PFKFB1: variants seen among roughly 807,000 people sequenced by gnomAD.
PFKFB1 encodes 6-phosphofructo-2-kinase/fructose-2,6-bisphosphatase 1.
PFKFB1 carries 34 observed loss-of-function variants against 46.4 expected under a neutral mutation model. The observed-to-expected ratio is 0.73, with a 90% CI of 0.56 to 0.98. The LOEUF is 0.98. Ranked by LOEUF, PFKFB1 falls within the 50% of genes least tolerant of loss-of-function variation. PFKFB1 has a pLI of 0.00. For missense variants in PFKFB1, 393 were observed against 376.3 expected, an observed-to-expected ratio of 1.04 and a Z score of -0.37; for synonymous variants, 119 against 133.8, an observed-to-expected ratio of 0.89 and a Z score of 0.76.
intron 5 of PFKFB1, 100 bp downstream of exon 5, chrX:54,958,751 A>G (rs1464529355): frequency 5.7e-6 from 3 of 524,599 alleles, no homozygotes; most frequent in Non-Finnish European, 9.8e-6. Context: ...TGTTGAGCTT[A>G]TGGTTGCGGA....
rs1268141764 is a variant in PFKFB1 at position 54,951,889 on chromosome X, G to A, written c.846+16C>T. The A allele has an allele frequency of 5.1e-6, 6 of 1,176,599 alleles. No individual in the cohort carries two copies. The highest frequency in any genetic ancestry group is 6.9e-6 in the Non-Finnish European group (6 of 874,797). ...CAGCCCAGCCAACCCATCTGGGTGT[G>A]TGTGGCCCACCCTACCTGCTTGCCG... is the stretch of plus-strand genomic sequence containing the variant. On this transcript the variant is annotated intron_variant, in intron 8 of 13. Transcript: ENST00000375006.
chrX:54,943,203 G>A (rs1488218462), intron 10 of PFKFB1, among the ~76,000 whole-genome samples: 1 of 111,543 alleles, frequency 9.0e-6, no homozygotes, highest in Non-Finnish European at 1.9e-5. Flanking sequence ...ATATTAGAGG[G>A]AAACTTTAAA....
At chrX:54,959,669 T>C (rs1329729121) in intron 4 of PFKFB1, among the ~76,000 whole-genome samples, 158 bp downstream of exon 4, 1 of 111,854 alleles carries the variant, frequency 8.9e-6, no homozygotes, top group Non-Finnish European at 1.9e-5. Context: ...TGGGGCATAA[T>C]AACAACACCT....
chrX:54,954,452 G>T (rs1217729778), intron 7 of PFKFB1, among the ~76,000 whole-genome samples: 1 of 112,386 alleles, frequency 8.9e-6, no homozygotes, highest in Non-Finnish European at 1.9e-5. Flanking sequence ...GGCAGAGGTT[G>T]CAGTGAGCTG....
chrX:54,958,814 A>T, intron 5 of PFKFB1, 37 bp downstream of exon 5: 1 of 973,529 alleles, frequency 1.0e-6, no homozygotes, highest in African/African-American at 1.9e-5. Flanking sequence ...TGTGCTGGAG[A>T]AATAGGCTCT....
chrX:54,989,897 T>C (rs988158185), intron 1 of PFKFB1, among the ~76,000 whole-genome samples: 6 of 111,340 alleles, frequency 5.4e-5, no homozygotes, highest in Non-Finnish European at 1.1e-4. Context: ...GGAATTGAGG[T>C]GGCCAGGGTA....
chrX:54,963,197 G>C, intron 2 of PFKFB1, 60 bp downstream of exon 2: 1 of 1,174,261 alleles, frequency 8.5e-7, no homozygotes, highest in Non-Finnish European at 1.2e-6. Flanking sequence ...TTCTACCTAA[G>C]TAAGGTTTTC....
chrX:54,972,017 G>T (rs866509765), intron 1 of PFKFB1, among the ~76,000 whole-genome samples: 6 of 111,058 alleles, frequency 5.4e-5, no homozygotes, highest in African/African-American at 2.0e-4. Context: ...ATTTCATTGA[G>T]CAGTGGTTTG....
chrX:54,998,307 G>A (rs919681088), upstream of PFKFB1: 22 of 681,199 alleles, frequency 3.2e-5, 1 homozygote, highest in Non-Finnish European at 4.3e-5. Context: ...TAATGCACAC[G>A]ACAACCAACC....
chrX:54,972,614 G>A (rs951494676), intron 1 of PFKFB1, among the ~76,000 whole-genome samples: 5 of 111,395 alleles, frequency 4.5e-5, no homozygotes, highest in Non-Finnish European at 9.4e-5. Context: ...TTTTGTCTTT[G>A]GTTCTGTTTA....
In PFKFB1 at chrX:54,933,830, C is replaced by T. The variant is rs375215756; in HGVS notation, c.1347G>A (p.Glu449=). Residue 449 remains glutamate (E), a synonymous_variant, in exon 13 of 14, where the codon GAG becomes GAA. Coordinates refer to ENST00000375006, the MANE Select transcript of PFKFB1 (RefSeq NM_002625.4). ...LNVEAVNTHR[E]KPENVDITRE... is the part of the protein sequence containing the mutation. The stretch of plus-strand genomic sequence containing the variant: ...GGAGTCCCCCACCTACCTCAGGCTT[C>T]TCCCGGTGTGTGTTCACGGCCTCCA... The T allele has an allele frequency of 4.9e-5, 59 of 1,207,157 alleles. No homozygotes were observed. Among genetic ancestry groups the T allele is most frequent in the Non-Finnish European group, 6.4e-5 (57 of 892,974 alleles).
At chrX:54,986,643 A>G (rs1022195144) in intron 1 of PFKFB1, among the ~76,000 whole-genome samples, 2 of 112,056 alleles carry the variant, frequency 1.8e-5, no homozygotes, top group South Asian at 3.6e-4. Flanking sequence ...TACATAGAAG[A>G]TCAACAACAG....
chrX:54,958,769 G>C (rs779728196), intron 5 of PFKFB1, 82 bp downstream of exon 5: 10 of 635,650 alleles, frequency 1.6e-5, no homozygotes, highest in Non-Finnish European at 2.5e-5. Context: ...GGATTTGGCC[G>C]CTCTGAGTCC....
At chrX:54,937,760 G>C in intron 10 of PFKFB1, 36 bp from the exon 11 acceptor site, 1 of 1,171,797 alleles carries the variant, frequency 8.5e-7, no homozygotes, top group South Asian at 1.9e-5. Flanking sequence ...GAGAAAGGAA[G>C]ATGAGGCACA....
chrX:54,961,390 T>C (rs951715957), intron 2 of PFKFB1, among the ~76,000 whole-genome samples: 7 of 111,055 alleles, frequency 6.3e-5, no homozygotes, highest in African/African-American at 2.3e-4. Flanking sequence ...TGACTTCTAG[T>C]CCAAAGTTAT....
intron 1 of PFKFB1, among the ~76,000 whole-genome samples, chrX:54,966,720 A>ACTCTCC (rs1169028488): frequency 9.2e-6 from 1 of 108,484 alleles, no homozygotes; most frequent in Non-Finnish European, 1.9e-5. Flanking sequence ...TCTCGTTCTC[A>ACTCTCC]CTCTCCCTCT....
intron 9 of PFKFB1, 29 bp downstream of exon 9, chrX:54,949,046 A>C (rs1434508787): frequency 8.3e-7 from 1 of 1,204,576 alleles, no homozygotes; most frequent in South Asian, 1.8e-5. Flanking sequence ...TCACCCCCAC[A>C]CACAGGAGAT....
upstream of PFKFB1, among the ~76,000 whole-genome samples, chrX:54,997,478 A>G (rs902410589): frequency 1.8e-5 from 2 of 111,583 alleles, no homozygotes; most frequent in African/African-American, 6.5e-5. Context: ...CTGACCCCAT[A>G]CCCCTCCCAA....
intron 1 of PFKFB1, among the ~76,000 whole-genome samples, chrX:54,972,843 C>T (rs1425987716): frequency 1.8e-5 from 2 of 111,419 alleles, no homozygotes; most frequent in Admixed American, 1.9e-4. Context: ...CAGGATGATG[C>T]TCGTCTCATC....
Sources: gnomAD v4.1 joint callset for allele counts (sites outside exome capture counted in the v4.1 genomes callset) on GRCh38, gnomAD v4.1.1 for gene constraint, MANE v1.5 for transcripts, NCBI Gene and HGNC (gene_info 2026-07-23, HGNC 2026-07-21) for gene names.